ADGRL3: variants seen among roughly 807,000 people sequenced by gnomAD.
ADGRL3 encodes the protein adhesion G protein-coupled receptor L3.
In ADGRL3, 62 loss-of-function variants were observed where a neutral mutation model predicts 153.5. The ratio of observed to expected loss-of-function variants is 0.40; its 90% CI spans 0.33 to 0.50. The LOEUF (loss-of-function observed/expected upper bound fraction) is 0.50, where lower values mean the gene tolerates loss of function less well. ADGRL3 is among the 20% of genes least tolerant of loss of function. ADGRL3 has a pLI of 0.47. For synonymous variants in ADGRL3, 710 were observed against 672.5 expected (o/e 1.06, Z -0.86); for missense variants, 1,641 against 1,859.4 (o/e 0.88, Z 2.16).
chr4:61,469,295 C>T (rs1324425185), intron 2 of ADGRL3, among the ~76,000 whole-genome samples: 2 of 152,038 alleles, frequency 1.3e-5, no homozygotes, highest in Non-Finnish European at 2.9e-5. Context: ...GTAAAGTCAA[C>T]TGATAATAAC....
At chr4:61,390,263 A>T (rs1199950797) in intron 2 of ADGRL3, among the ~76,000 whole-genome samples, 1 of 152,198 alleles carries the variant, frequency 6.6e-6, no homozygotes, top group African/African-American at 2.4e-5. Context: ...AGCTAGCAGT[A>T]GCCCAGTCAA....
At chr4:61,790,672 C>T (rs1273687493) in intron 8 of ADGRL3, among the ~76,000 whole-genome samples, 1 of 152,136 alleles carries the variant, frequency 6.6e-6, no homozygotes, top group African/African-American at 2.4e-5. Context: ...AAAACCAGAA[C>T]TATTAGTTTA....
At chr4:62,008,228 T>G (rs1463822555) in intron 21 of ADGRL3, among the ~76,000 whole-genome samples, 3 of 152,164 alleles carry the variant, frequency 2.0e-5, no homozygotes, top group East Asian at 1.9e-4. Context: ...TTGGGGAGGT[T>G]GTTGTTGTTG....
chr4:61,988,769 G>A (rs57424257), intron 19 of ADGRL3, among the ~76,000 whole-genome samples: 2,452 of 152,236 alleles, frequency 0.016, 105 homozygotes, highest in East Asian at 0.13. Flanking sequence ...AAAAGGGAGA[G>A]AGCACACTGG....
intron 15 of ADGRL3, among the ~76,000 whole-genome samples, chr4:61,937,400 A>AT (rs561189802): frequency 0.076 from 10,370 of 135,700 alleles, 380 homozygotes; most frequent in African/African-American, 0.094. Context: ...GGTTTGGGGC[A>AT]TTTTTTTTTT....
intron 5 of ADGRL3, among the ~76,000 whole-genome samples, chr4:61,619,087 T>G (rs2092301237): frequency 1.3e-5 from 2 of 152,176 alleles, no homozygotes; most frequent in Admixed American, 1.3e-4. Context: ...GGCCAACTCT[T>G]GTAGAAGGCA....
At position 61,987,803 on chromosome 4, in the gene ADGRL3, A is replaced by T. The variant is rs142433405; in HGVS notation, c.3236+4200A>T. Among the ~76,000 whole-genome samples the T allele has an allele frequency of 7.6e-3, 1,158 of 152,268 alleles. 36 individuals are homozygous for T. Among genetic ancestry groups the T allele is most frequent in the Admixed American group, 0.043 (659 of 15,274 alleles). ...CTTCAGTCTTGCCCACTTACAGTAC[A>T]TCTAGAATAAAACCATTGAATATCT... is the stretch of plus-strand genomic sequence containing the variant. On this transcript the variant is annotated intron_variant, in intron 19 of 26. Coordinates refer to ENST00000683033, the MANE Select transcript of ADGRL3 (RefSeq NM_001387552.1).
intron 9 of ADGRL3, among the ~76,000 whole-genome samples, chr4:61,866,262 T>C (rs1305232361): frequency 6.6e-6 from 1 of 152,186 alleles, no homozygotes; most frequent in Non-Finnish European, 1.5e-5. Flanking sequence ...ATGAATCCCT[T>C]ATCATTACGT....
At chr4:61,315,030 G>A (rs1434126234) in intron 1 of ADGRL3, among the ~76,000 whole-genome samples, 1 of 152,138 alleles carries the variant, frequency 6.6e-6, no homozygotes, top group Non-Finnish European at 1.5e-5. Flanking sequence ...TCTGTACATG[G>A]GATCTTGATC....
chr4:61,694,176 ATTATTTTTTTTTTTTTTTT>A (rs2095594463), intron 6 of ADGRL3, among the ~76,000 whole-genome samples: 1 of 94,698 alleles, frequency 1.1e-5, no homozygotes, highest in Admixed American at 1.1e-4. Context: ...AAATTTTGTC[ATTATTTTTTTTTTTTTTTT>A]TTTTTTTTTT....
At chr4:62,061,227 A>T (rs1221305576) in intron 25 of ADGRL3, among the ~76,000 whole-genome samples, 1 of 151,552 alleles carries the variant, frequency 6.6e-6, no homozygotes, top group South Asian at 2.1e-4. Context: ...TTTAATATGG[A>T]TTGCTAAAGT....
At chr4:61,268,541 T>A in intron 1 of ADGRL3, among the ~76,000 whole-genome samples, 1 of 151,612 alleles carries the variant, frequency 6.6e-6, no homozygotes. Flanking sequence ...GAGAAAAATT[T>A]TCATGTAACT....
intron 1 of ADGRL3, among the ~76,000 whole-genome samples, chr4:61,239,399 T>A (rs929145787): frequency 6.6e-6 from 1 of 152,158 alleles, no homozygotes; most frequent in Non-Finnish European, 1.5e-5. Flanking sequence ...TGATCCCTAG[T>A]GCCTGGAGAG....
intron 5 of ADGRL3, among the ~76,000 whole-genome samples, chr4:61,609,177 C>T (rs1032309912): frequency 6.6e-6 from 1 of 151,878 alleles, no homozygotes; most frequent in African/African-American, 2.4e-5. Flanking sequence ...GTCTGTTCGC[C>T]AATTTTACAT....
At chr4:61,833,393 G>T (rs2097896146) in intron 9 of ADGRL3, among the ~76,000 whole-genome samples, 1 of 152,168 alleles carries the variant, frequency 6.6e-6, no homozygotes, top group South Asian at 2.1e-4. Flanking sequence ...AGCTGTGTGG[G>T]AGACTGGAGT....
intron 1 of ADGRL3, among the ~76,000 whole-genome samples, chr4:61,212,489 T>G (rs567402627): frequency 6.6e-6 from 1 of 152,278 alleles, no homozygotes; most frequent in Non-Finnish European, 1.5e-5. Flanking sequence ...TCCAGTAGTA[T>G]TTTTCAAATG....
intron 2 of ADGRL3, among the ~76,000 whole-genome samples, chr4:61,404,133 G>A (rs2096964208): frequency 6.6e-6 from 1 of 151,948 alleles, no homozygotes; most frequent in African/African-American, 2.4e-5. Flanking sequence ...TGGCAGCATG[G>A]TGTTTACAGT....
At chr4:61,793,829 C>G (rs1174389746) in intron 8 of ADGRL3, among the ~76,000 whole-genome samples, 1 of 152,118 alleles carries the variant, frequency 6.6e-6, no homozygotes, top group East Asian at 1.9e-4. Context: ...ATGACCTCAA[C>G]ATATGGTCAT....
chr4:61,697,724 A>C (rs2095667801), intron 6 of ADGRL3, among the ~76,000 whole-genome samples: 1 of 152,196 alleles, frequency 6.6e-6, no homozygotes, highest in Non-Finnish European at 1.5e-5. Flanking sequence ...TGTAACAAAC[A>C]TCAGCCCAGT....
Sources: allele counts gnomAD v4.1 joint callset (sites outside exome capture counted in the v4.1 genomes callset), GRCh38; gene constraint gnomAD v4.1.1; transcripts MANE v1.5; gene names NCBI Gene and HGNC (gene_info 2026-07-23, HGNC 2026-07-21).